The following ARHGEF3 variants were observed in gnomAD, a reference collection of about 807,000 sequenced individuals.
ARHGEF3 encodes the protein 59.8 kDA protein.
ARHGEF3 carries 28 observed loss-of-function variants against 63.2 expected under a neutral mutation model. The ratio of observed to expected loss-of-function variants is 0.44; its 90% CI spans 0.33 to 0.61. The LOEUF (loss-of-function observed/expected upper bound fraction) is 0.61. ARHGEF3 is among the 20% of genes least tolerant of loss of function. ARHGEF3 has a pLI of 0.03. For synonymous variants in ARHGEF3, 266 were observed against 254.2 expected (o/e 1.05, Z -0.44); for missense variants, 533 against 659.3 (o/e 0.81, Z 2.10).
intron 2 of ARHGEF3, among the ~76,000 whole-genome samples, chr3:56,971,169 A>G (rs1206289563): frequency 6.6e-6 from 1 of 152,204 alleles, no homozygotes; most frequent in Non-Finnish European, 1.5e-5. Context: ...GTGGTCACCA[A>G]TACACAGGGT....
intron 2 of ARHGEF3, among the ~76,000 whole-genome samples, chr3:56,990,454 T>G (rs1484116999): frequency 6.6e-6 from 1 of 152,194 alleles, no homozygotes; most frequent in African/African-American, 2.4e-5. Context: ...CGTGGTGACG[T>G]GCACGTGTAA....
chr3:56,882,624 T>TTC (rs2040808591), intron 3 of ARHGEF3, among the ~76,000 whole-genome samples: 1 of 151,554 alleles, frequency 6.6e-6, no homozygotes, highest in Non-Finnish European at 1.5e-5. Flanking sequence ...GTTCAAGCGA[T>TTC]TCTCCTGCCT....
intron 1 of ARHGEF3, among the ~76,000 whole-genome samples, chr3:57,043,224 C>A (rs540506849): frequency 7.0e-4 from 106 of 151,864 alleles, no homozygotes; most frequent in Non-Finnish European, 1.3e-3. Flanking sequence ...TCAAGCGATT[C>A]TCCTGCCTCA....
At chr3:56,915,387 G>T (rs1380180590) in intron 3 of ARHGEF3, among the ~76,000 whole-genome samples, 1 of 152,070 alleles carries the variant, frequency 6.6e-6, no homozygotes, top group African/African-American at 2.4e-5. Context: ...GACTGCTTGA[G>T]CCCGGGCGGT....
intron 2 of ARHGEF3, among the ~76,000 whole-genome samples, chr3:56,757,269 T>C (rs886855363): frequency 2.6e-5 from 4 of 152,190 alleles, no homozygotes; most frequent in African/African-American, 9.7e-5. Context: ...GGTCAGCAGT[T>C]TGACACCAGC....
intron 6 of ARHGEF3, 141 bp from the exon 7 acceptor site, chr3:56,745,603 G>C (rs2034329439): frequency 1.0e-6 from 1 of 962,150 alleles, no homozygotes; most frequent in South Asian, 1.8e-5. Context: ...CATGGCTGGA[G>C]GAAACTAGTG....
chr3:57,047,791 T>C (rs1560160532), intron 1 of ARHGEF3, among the ~76,000 whole-genome samples: 1 of 152,148 alleles, frequency 6.6e-6, no homozygotes, highest in African/African-American at 2.4e-5. Context: ...TGGAATGAAG[T>C]GAACCCAGGG....
At chr3:56,792,997 T>TG (rs57855790) in intron 1 of ARHGEF3, among the ~76,000 whole-genome samples, 33,791 of 149,232 alleles carry the variant, frequency 0.23, 4,720 homozygotes, top group African/African-American at 0.39. Flanking sequence ...ATTGGGTTTT[T>TG]TTTTTTTTTT....
chr3:57,043,060 T>G (rs1704295277), intron 1 of ARHGEF3, among the ~76,000 whole-genome samples: 1 of 151,872 alleles, frequency 6.6e-6, no homozygotes, highest in Admixed American at 6.6e-5. Context: ...TGGCTGTGTC[T>G]GAAGTGGGAT....
chr3:56,728,956 A>C lies in ARHGEF3; in HGVS notation c.*314T>G. ...ACTCTTCAAACAATCTATGTAAAAC[A>C]GTAGTTTTGAGATTCTTTTTCTATT... On this transcript the variant is annotated 3_prime_UTR_variant, in exon 10 of 10. Transcript: ENST00000296315. 3.7e-6 allele frequency: 1 copy of C among 271,120 alleles called. No homozygotes were observed. 16.8% of individuals were successfully genotyped at this position (271,120 alleles called of 1,614,324 possible).
intron 4 of ARHGEF3, among the ~76,000 whole-genome samples, chr3:56,812,476 T>G (rs2038100262): frequency 6.6e-6 from 1 of 152,240 alleles, no homozygotes; most frequent in Non-Finnish European, 1.5e-5. Flanking sequence ...TAGCTTATTT[T>G]CAAAGACACT....
intron 4 of ARHGEF3, among the ~76,000 whole-genome samples, chr3:56,822,720 G>T (rs2173795): frequency 0.015 from 2,349 of 152,100 alleles, 27 homozygotes; most frequent in South Asian, 0.03. Flanking sequence ...GGGTGTGGTG[G>T]CAGGCACCTG....
intron 2 of ARHGEF3, among the ~76,000 whole-genome samples, chr3:57,002,803 C>T (rs1413488869): frequency 7.1e-6 from 1 of 141,636 alleles, no homozygotes; most frequent in African/African-American, 2.6e-5. Context: ...GAGACAGAGT[C>T]TTGCTCTGTC....
At chr3:57,078,076 C>A (rs1409512553) in intron 1 of ARHGEF3, among the ~76,000 whole-genome samples, 1 of 152,158 alleles carries the variant, frequency 6.6e-6, no homozygotes, top group Non-Finnish European at 1.5e-5. Context: ...ATTTACCCTG[C>A]CCCAGTCAGT....
intron 7 of ARHGEF3, among the ~76,000 whole-genome samples, chr3:56,738,048 T>C (rs1381875836): frequency 1.8e-4 from 27 of 151,468 alleles, no homozygotes; most frequent in Non-Finnish European, 5.9e-5. Context: ...TTTGTATTTT[T>C]TGTTTGTTTG....
At chr3:56,986,549 G>A (rs949677183) in intron 2 of ARHGEF3, among the ~76,000 whole-genome samples, 1 of 152,194 alleles carries the variant, frequency 6.6e-6, no homozygotes, top group African/African-American at 2.4e-5. Flanking sequence ...AACAGCCCTG[G>A]GGACGGTGCA....
chr3:56,934,510 GC>G (rs151171826), intron 3 of ARHGEF3, among the ~76,000 whole-genome samples: 9,042 of 152,258 alleles, frequency 0.059, 937 homozygotes, highest in African/African-American at 0.21. Context: ...GTGCTGGCGG[GC>G]CAGCTGGAGT....
chr3:56,795,655 C>CTCTTTTTT (rs57400467), intron 1 of ARHGEF3, among the ~76,000 whole-genome samples: 5 of 130,560 alleles, frequency 3.8e-5, no homozygotes, highest in African/African-American at 8.8e-5. Context: ...GTCTCTCTCT[C>CTCTTTTTT]TTTTTTTTTT....
intron 2 of ARHGEF3, among the ~76,000 whole-genome samples, chr3:56,969,838 T>C (rs1219259524): frequency 6.6e-6 from 1 of 151,362 alleles, no homozygotes; most frequent in South Asian, 2.1e-4. Flanking sequence ...GATATATCCA[T>C]ACAACAGAAT....
Sources: gnomAD v4.1 joint callset for allele counts (sites outside exome capture counted in the v4.1 genomes callset) on GRCh38, gnomAD v4.1.1 for gene constraint, MANE v1.5 for transcripts, NCBI Gene and HGNC (gene_info 2026-07-23, HGNC 2026-07-21) for gene names.